The following DROSHA variants were observed in gnomAD, a reference collection of about 807,000 sequenced individuals.
DROSHA encodes ribonuclease 3.
A neutral mutation model predicts 181.9 loss-of-function variants in DROSHA; 56 were observed. The ratio of observed to expected loss-of-function variants is 0.31; its 90% confidence interval spans 0.25 to 0.38. The LOEUF (loss-of-function observed/expected upper bound fraction) is 0.38, where lower values mean the gene tolerates loss of function less well. DROSHA is among the 10% of genes least tolerant of loss of function. The probability of loss-of-function intolerance (pLI) is 1.00; values close to 1 mark genes in which losing one functional copy is unlikely to be tolerated. For synonymous variants in DROSHA, 524 were observed against 591.2 expected, an observed-to-expected ratio of 0.89 and a Z score of 1.65; for missense variants, 1,218 against 1,743.5, an observed-to-expected ratio of 0.70 and a Z score of 5.37.
rs532352652 is a variant in DROSHA, at chr5:31,444,120, C to G, written c.2882+4427G>C. 7.5e-4 allele frequency among the ~76,000 whole-genome samples: 114 copies of G among 152,282 alleles called. 1 individual carries two copies. Among genetic ancestry groups the G allele is most frequent in the Non-Finnish European group, 1.4e-3 (95 of 68,034 alleles). The stretch of plus-strand genomic sequence containing the variant: ...GGAAGTTTTACAATGACGATCAGCA[C>G]ACGGGGAAGGGACAGGGTATGTTTG... On this transcript the variant is annotated intron_variant, in intron 23 of 35. Transcript: ENST00000344624.
rs757424731 is a variant in DROSHA, at chr5:31,468,089, A to G, written c.2242-26T>C. Reference sequence around the variant, plus strand: ...CTAGAGAGAAAAATCAAAGCCATTTATTCCCATAAGAAGTCTTTATGTATT... The same window carrying G: ...CTAGAGAGAAAAATCAAAGCCATTTGTTCCCATAAGAAGTCTTTATGTATT... On this transcript the variant is annotated intron_variant, in intron 17 of 35. Coordinates refer to ENST00000344624, the MANE Select transcript of DROSHA (RefSeq NM_001382508.1). 9 of 1,600,474 alleles carry G rather than the reference A, an allele frequency of 5.6e-6. No homozygotes were observed. The African/African-American group carries it at 1.2e-4, about 21-fold the overall frequency.
chr5:31,411,481 C>T lies in DROSHA; in HGVS notation c.3526-594G>A, dbSNP rs16901106. On this transcript the variant is annotated intron_variant, in intron 30 of 35. Coordinates refer to ENST00000344624, the MANE Select transcript of DROSHA (RefSeq NM_001382508.1). This position sits in a 1 kb window ranked among gnomAD's most constrained non-coding sequence, Gnocchi z 4.2. Reference sequence around the variant, plus strand: ...AGTCTAAAATAAGCTTCAAGTTTCACGGCACTGATGCTAATTTTGATATTA... The same window carrying T: ...AGTCTAAAATAAGCTTCAAGTTTCATGGCACTGATGCTAATTTTGATATTA... Among the ~76,000 whole-genome samples, 2,273 of 152,122 alleles carry T rather than the reference C, an allele frequency of 0.015. 131 individuals carry two copies. The East Asian group carries it at 0.21, about 14-fold the overall frequency.
rs567966675 is a variant in DROSHA at position 31,429,679 on chromosome 5, T to C, written c.3146-134A>G. ...ACAAATCAACATGTTCAGAAGCAATTGTCTTAAAGGTGACATTTCCCCTTT... is the reference window on the plus strand; with the variant it reads ...ACAAATCAACATGTTCAGAAGCAATCGTCTTAAAGGTGACATTTCCCCTTT... On this transcript the variant is annotated intron_variant, in intron 26 of 35. Transcript: ENST00000344624. 2.3e-5 allele frequency: 15 copies of C among 648,036 alleles called. No homozygotes were observed. The African/African-American group carries it at 2.6e-4, about 11-fold the overall frequency. 40.1% of individuals were successfully genotyped at this position (648,036 alleles called of 1,614,324 possible). A position where few individuals can be genotyped will look rare whatever the true frequency, so the allele number is the denominator to read the frequency against.
At chr5:31,432,553 C>G (rs1264178359) in intron 25 of DROSHA, among the ~76,000 whole-genome samples, 1 of 152,110 alleles carries the variant, frequency 6.6e-6, no homozygotes, top group African/African-American at 2.4e-5. Context: ...GCACTTGTGT[C>G]CCCCTCATGA....
At chr5:31,522,283 A>G (rs1244101573) in intron 5 of DROSHA, among the ~76,000 whole-genome samples, 1 of 152,182 alleles carries the variant, frequency 6.6e-6, no homozygotes, top group Non-Finnish European at 1.5e-5. Context: ...CATCTCATAC[A>G]CTTCTAAAAT....
At chr5:31,492,268 C>T (rs1752511865) in intron 13 of DROSHA, among the ~76,000 whole-genome samples, 1 of 152,044 alleles carries the variant, frequency 6.6e-6, no homozygotes. Context: ...ACAATTTGTC[C>T]TAAATTAGCA....
At chr5:31,461,399 G>A (rs543271140) in intron 20 of DROSHA, among the ~76,000 whole-genome samples, 1 of 152,252 alleles carries the variant, frequency 6.6e-6, no homozygotes, top group South Asian at 2.1e-4. Context: ...TAGTTAAAAT[G>A]TACCCAGAAG....
Position 31,530,838 on chromosome 5 carries a change from A to G in DROSHA, c.-87T>C, listed in dbSNP as rs1580413281. 3 of 398,558 alleles carry G rather than the reference A, an allele frequency of 7.5e-6. No individual in the cohort carries two copies. The East Asian group carries it at 1.1e-4, about 14-fold the overall frequency. 24.7% of individuals were successfully genotyped at this position (398,558 alleles called of 1,614,324 possible). A position where few individuals can be genotyped will look rare whatever the true frequency, so the allele number is the denominator to read the frequency against. ...ATCATAGTGAAGTATGCACACGTCT[A>G]ACTCTTCCACTAGATTATCAGCTCC... is the stretch of plus-strand genomic sequence containing the variant. On this transcript the variant is annotated 5_prime_UTR_variant, in exon 3 of 36. Coordinates refer to ENST00000344624, the MANE Select transcript of DROSHA (RefSeq NM_001382508.1).
intron 24 of DROSHA, among the ~76,000 whole-genome samples, 155 bp downstream of exon 24, chr5:31,437,084 C>T (rs1744934192): frequency 6.6e-6 from 1 of 152,128 alleles, no homozygotes; most frequent in African/African-American, 2.4e-5. Flanking sequence ...AGGGCAAGGG[C>T]CACAGACATG....
At chr5:31,469,399 A>C (rs543495861) in intron 17 of DROSHA, among the ~76,000 whole-genome samples, 1 of 152,170 alleles carries the variant, frequency 6.6e-6, no homozygotes, top group African/African-American at 2.4e-5. Context: ...CAAACTTTTT[A>C]AGTGTCATTT....
At chr5:31,464,448 A>T in intron 19 of DROSHA, 105 bp from the exon 20 acceptor site, 1 of 920,778 alleles carries the variant, frequency 1.1e-6, no homozygotes, top group East Asian at 2.6e-5. Context: ...TATTACCCCT[A>T]CATTCAGATA....
At position 31,431,604 on chromosome 5, in the gene DROSHA, T is replaced by G. The variant is rs192509532; in HGVS notation, c.3117A>C (p.Ala1039=). 9.3e-6 allele frequency: 15 copies of G among 1,613,868 alleles called. No individual in the cohort carries two copies. Among genetic ancestry groups the G allele is most frequent in the Non-Finnish European group, 1.3e-5 (15 of 1,179,844 alleles). ...TTAACGCTTCAAAACAATTGGCCATTGCATGTCGAAGGTCCGATTCTCTAC... is the reference window on the plus strand; with the variant it reads ...TTAACGCTTCAAAACAATTGGCCATGGCATGTCGAAGGTCCGATTCTCTAC... ...DLCRESDLRH[A]MANCFEALIG... Residue 1039 remains alanine (A), a synonymous_variant, in exon 26 of 36, where the codon GCA becomes GCC. Transcript: ENST00000344624.
chr5:31,517,313 C>T lies in DROSHA; in HGVS notation c.948-1749G>A, dbSNP rs548478247. Among the ~76,000 whole-genome samples, 269 of 152,280 alleles carry T rather than the reference C, an allele frequency of 1.8e-3. 6 individuals are homozygous for T. The highest frequency in any genetic ancestry group is 6.0e-3 in the African/African-American group (251 of 41,548). ...GAAATCTGTTTGCTGCTACATACAA[C>T]TTTTATAAAGTCAAATCTAGAGATC... On this transcript the variant is annotated intron_variant, in intron 6 of 35. Transcript: ENST00000344624.
chr5:31,504,384 T>C (rs1737661475), intron 11 of DROSHA, among the ~76,000 whole-genome samples, 171 bp downstream of exon 11: 1 of 152,176 alleles, frequency 6.6e-6, no homozygotes, highest in African/African-American at 2.4e-5. Context: ...CATTCCCCAC[T>C]GCGCTCCCAA....
intron 13 of DROSHA, among the ~76,000 whole-genome samples, chr5:31,486,963 C>G (rs1024422644): frequency 4.6e-5 from 7 of 152,184 alleles, no homozygotes; most frequent in Non-Finnish European, 1.0e-4. Context: ...GGTGATAACT[C>G]ATCAATTATG....
Position 31,436,393 on chromosome 5 carries a change from C to CTT in DROSHA, c.2943-531_2943-530dup, listed in dbSNP as rs5867078. 2.1e-4 allele frequency among the ~76,000 whole-genome samples: 28 copies of CTT among 133,118 alleles called. 1 individual carries two copies. Among genetic ancestry groups the CTT allele is most frequent in the South Asian group, 4.9e-4 (2 of 4,078 alleles). The allele number at this position is 133,118 out of a possible 152,430, so 87.3% of individuals were successfully genotyped here. ...GCAAAACACTTTCCTGCCCCTATTC[C>CTT]TTTTTTTTTTTTTTTTTGAGACAGA... On this transcript the variant is annotated intron_variant, in intron 24 of 35. Coordinates refer to ENST00000344624, the MANE Select transcript of DROSHA (RefSeq NM_001382508.1).
chr5:31,405,624 A>C, intron 35 of DROSHA, 53 bp downstream of exon 35: 1 of 1,465,968 alleles, frequency 6.8e-7, no homozygotes. Context: ...TTTCCTTTCC[A>C]TAAAACACTC....
intron 13 of DROSHA, among the ~76,000 whole-genome samples, chr5:31,490,210 G>T (rs1452283678): frequency 6.7e-6 from 1 of 148,716 alleles, no homozygotes; most frequent in Non-Finnish European, 1.5e-5. Context: ...AAGAGACAGG[G>T]TCTAGCTCTG....
chr5:31,501,795 T>C (rs1480754901), intron 11 of DROSHA, among the ~76,000 whole-genome samples: 2 of 152,174 alleles, frequency 1.3e-5, no homozygotes, highest in Non-Finnish European at 2.9e-5. Flanking sequence ...TTTATAGTTA[T>C]AGTTTTGCCC....
Sources: allele counts gnomAD v4.1 joint callset (sites outside exome capture counted in the v4.1 genomes callset), GRCh38; gene constraint gnomAD v4.1.1; non-coding constraint Gnocchi (gnomAD v3.1); transcripts MANE v1.5; gene names NCBI Gene and HGNC (gene_info 2026-07-23, HGNC 2026-07-21).